The following IL1RAPL2 variants were observed in gnomAD, a reference collection of about 807,000 sequenced individuals.
The protein encoded by IL1RAPL2 is X-linked interleukin-1 receptor accessory protein-like 2.
In IL1RAPL2, 3 loss-of-function variants were observed where a neutral mutation model predicts 44.1. That is an observed-to-expected ratio of 0.07 (90% CI 0.03 to 0.18). The LOEUF (loss-of-function observed/expected upper bound fraction) is 0.18. Among genes scored for constraint, IL1RAPL2 ranks in the 10% least tolerant of loss-of-function variants. The pLI is 1.00. For missense variants in IL1RAPL2, 391 were observed against 496.4 expected, an observed-to-expected ratio of 0.79 and a Z score of 2.02; for synonymous variants, 181 against 178.8, an observed-to-expected ratio of 1.01 and a Z score of -0.10.
intron 5 of IL1RAPL2, among the ~76,000 whole-genome samples, chrX:105,403,842 C>A (rs1313439367): frequency 9.0e-6 from 1 of 111,475 alleles, no homozygotes; most frequent in African/African-American, 3.3e-5. Context: ...CACCTCCAAA[C>A]GGCCATTAAA....
At chrX:105,303,678 AAC>A (rs1447268670) in intron 5 of IL1RAPL2, among the ~76,000 whole-genome samples, 1 of 112,175 alleles carries the variant, frequency 8.9e-6, no homozygotes, top group Non-Finnish European at 1.9e-5. Flanking sequence ...GACAAAAACA[AAC>A]ACAAGGCCTC....
intron 2 of IL1RAPL2, chrX:104,804,306 T>A (rs1932905982): frequency 9.0e-6 from 1 of 110,958 alleles, no homozygotes; most frequent in African/African-American, 3.3e-5. Flanking sequence ...GTAGAAGGGA[T>A]CTTGGCCAGC....
At chrX:105,032,785 A>G (rs1178414055) in intron 2 of IL1RAPL2, among the ~76,000 whole-genome samples, 4 of 110,860 alleles carry the variant, frequency 3.6e-5, no homozygotes, top group South Asian at 3.8e-4. Flanking sequence ...TATCCTTGTT[A>G]ACTTTCTGTC....
rs761371960 is a variant in IL1RAPL2, at chrX:104,740,722, A to AT, written c.82+81735dup. ...TATTCAATCTAACTATAATAATTTG[A>AT]TTTTTTTTATATAAAATATTCAATC... On this transcript the variant is annotated intron_variant, in intron 2 of 10. Transcript: ENST00000372582. 1.3e-4 allele frequency among the ~76,000 whole-genome samples: 14 copies of AT among 110,876 alleles called. 1 individual carries two copies. Among genetic ancestry groups the AT allele is most frequent in the Admixed American group, 5.8e-4 (6 of 10,330 alleles).
chrX:105,215,771 G>C (rs924091194), intron 3 of IL1RAPL2, among the ~76,000 whole-genome samples: 20 of 111,247 alleles, frequency 1.8e-4, no homozygotes, highest in Non-Finnish European at 3.0e-4. Context: ...CACGGATCAA[G>C]TCAGCTTTAT....
chrX:105,479,391 G>A (rs1218887209), intron 5 of IL1RAPL2, among the ~76,000 whole-genome samples: 2 of 111,626 alleles, frequency 1.8e-5, no homozygotes, highest in Middle Eastern at 4.6e-3. Flanking sequence ...AATGCGATGT[G>A]AATGAGGAAA....
intron 5 of IL1RAPL2, among the ~76,000 whole-genome samples, chrX:105,398,123 C>T (rs1198774403): frequency 9.0e-6 from 1 of 111,533 alleles, no homozygotes; most frequent in Admixed American, 9.6e-5. Context: ...TTCCAACATG[C>T]TGCAGACACT....
chrX:105,351,794 T>A (rs1233843999), intron 5 of IL1RAPL2, among the ~76,000 whole-genome samples: 1 of 111,435 alleles, frequency 9.0e-6, no homozygotes, highest in East Asian at 2.8e-4. Flanking sequence ...ATAAAAAAAA[T>A]CTTGAACTTT....
intron 6 of IL1RAPL2, among the ~76,000 whole-genome samples, chrX:105,585,179 G>A (rs1431935305): frequency 1.8e-5 from 2 of 109,790 alleles, no homozygotes; most frequent in East Asian, 2.9e-4. Context: ...CTGTCCTTGT[G>A]TGTTAATTCT....
intron 2 of IL1RAPL2, among the ~76,000 whole-genome samples, chrX:104,886,420 A>G (rs754784349): frequency 1.8e-5 from 2 of 112,039 alleles, no homozygotes; most frequent in African/African-American, 6.5e-5. Flanking sequence ...CCTTATCAAA[A>G]GAAATATCCC....
chrX:105,398,390 C>T (rs2035580308), intron 5 of IL1RAPL2, among the ~76,000 whole-genome samples: 1 of 110,626 alleles, frequency 9.0e-6, no homozygotes, highest in Admixed American at 9.7e-5. Flanking sequence ...ATGATATAAG[C>T]AGCTTCACAA....
chrX:105,710,379 T>TTC (rs2038199300), intron 6 of IL1RAPL2, among the ~76,000 whole-genome samples: 2 of 103,588 alleles, frequency 1.9e-5, no homozygotes, highest in African/African-American at 7.3e-5. Context: ...TTTTTTTTTT[T>TTC]CGGTTTCCAC....
chrX:104,573,851 T>C (rs1230570863), intron 1 of IL1RAPL2, among the ~76,000 whole-genome samples: 1 of 111,790 alleles, frequency 8.9e-6, no homozygotes, highest in Non-Finnish European at 1.9e-5. Context: ...TTCAAATTCA[T>C]GCGTTTGAGG....
At chrX:104,818,878 G>A (rs1921220976) in intron 2 of IL1RAPL2, among the ~76,000 whole-genome samples, 1 of 111,890 alleles carries the variant, frequency 8.9e-6, no homozygotes, top group African/African-American at 3.3e-5. Context: ...CAATAGAGGG[G>A]CAGGGATACT....
At chrX:105,530,715 T>G in intron 6 of IL1RAPL2, among the ~76,000 whole-genome samples, 1 of 96,189 alleles carries the variant, frequency 1.0e-5, no homozygotes, top group Non-Finnish European at 2.1e-5. Context: ...TAGCCATCCC[T>G]TCCCCCCCGC....
intron 6 of IL1RAPL2, among the ~76,000 whole-genome samples, chrX:105,573,284 C>T (rs143793699): frequency 0.013 from 1,445 of 110,825 alleles, 9 homozygotes; most frequent in Non-Finnish European, 0.021. Context: ...GTTTCAAATT[C>T]CTGGGCTCAA....
intron 4 of IL1RAPL2, among the ~76,000 whole-genome samples, chrX:105,240,827 G>A (rs1191397498): frequency 8.9e-6 from 1 of 111,874 alleles, no homozygotes; most frequent in African/African-American, 3.2e-5. Context: ...CCTAAAGAAG[G>A]TTAATGATTA....
intron 2 of IL1RAPL2, among the ~76,000 whole-genome samples, chrX:104,825,133 G>A (rs1921418350): frequency 9.0e-6 from 1 of 111,388 alleles, no homozygotes; most frequent in South Asian, 3.8e-4. Flanking sequence ...TAAAGTTTGA[G>A]GTGTGCCTTA....
intron 6 of IL1RAPL2, among the ~76,000 whole-genome samples, chrX:105,569,058 A>C (rs1180266752): frequency 9.0e-6 from 1 of 111,673 alleles, no homozygotes; most frequent in Non-Finnish European, 1.9e-5. Context: ...TTATTGCTGA[A>C]TGGTTGCCAT....
Sources: gnomAD v4.1 joint callset for allele counts (sites outside exome capture counted in the v4.1 genomes callset) on GRCh38, gnomAD v4.1.1 for gene constraint, MANE v1.5 for transcripts, NCBI Gene and HGNC (gene_info 2026-07-23, HGNC 2026-07-21) for gene names.